Variants in CCNY observed in about 807,000 individuals in gnomAD.
CCNY encodes the protein cyclin-Y.
In CCNY, 19 loss-of-function variants were observed where a neutral mutation model predicts 42.8. That is an observed-to-expected ratio of 0.44 (90% CI 0.31 to 0.65). The LOEUF (loss-of-function observed/expected upper bound fraction) is 0.65. Ranked by LOEUF, CCNY falls within the 30% of genes least tolerant of loss-of-function variation. The pLI is 0.07. For synonymous variants in CCNY, 165 were observed against 162.7 expected (o/e 1.01, Z -0.11); for missense variants, 370 against 437.3 (o/e 0.85, Z 1.37).
In CCNY at chr10:35,258,986, T is replaced by G. The variant is rs988001907; in HGVS notation, c.-9+8360T>G. On this transcript the variant is annotated intron_variant, in intron 3 of 11. Transcript: ENST00000374706. ...CACTGCTGCCTGCCGTGGGGAAAGG[T>G]GGTGAGGAAAAGGGTAGCTGCTACC... 2.1e-5 allele frequency among the ~76,000 whole-genome samples: 3 copies of G among 145,552 alleles called. No homozygotes were observed. In the East Asian group the frequency reaches 6.0e-4, roughly 29 times the overall value.
chr10:35,383,103 C>A (rs183913309), intron 1 of CCNY, among the ~76,000 whole-genome samples: 10 of 152,278 alleles, frequency 6.6e-5, no homozygotes, highest in Non-Finnish European at 1.2e-4. Context: ...CTGCCTTTTT[C>A]TGTATCTGTG....
At chr10:35,326,911 A>C (rs1018807827) in intron 3 of CCNY, among the ~76,000 whole-genome samples, 1 of 151,880 alleles carries the variant, frequency 6.6e-6, no homozygotes, top group Non-Finnish European at 1.5e-5. Flanking sequence ...CAAACAAACA[A>C]ACACCATTGC....
At chr10:35,563,492 G>A (rs1269122891) in intron 8 of CCNY, among the ~76,000 whole-genome samples, 1 of 152,088 alleles carries the variant, frequency 6.6e-6, no homozygotes, top group African/African-American at 2.4e-5. Context: ...ACCAGACGGC[G>A]GTGTGTCCAT....
intron 3 of CCNY, among the ~76,000 whole-genome samples, chr10:35,326,157 T>G (rs912852424): frequency 2.1e-5 from 3 of 140,484 alleles, no homozygotes; most frequent in Non-Finnish European, 3.2e-5. Flanking sequence ...GAGTTTTTTG[T>G]TTTTTTTTTG....
At chr10:35,495,960 A>C (rs771278434) in intron 2 of CCNY, among the ~76,000 whole-genome samples, 3 of 152,192 alleles carry the variant, frequency 2.0e-5, no homozygotes, top group Non-Finnish European at 4.4e-5. Context: ...GGTCATCTCA[A>C]ATTTACTATA....
Position 35,361,882 on chromosome 10 carries a change from A to G in CCNY, c.154+24675A>G, listed in dbSNP as rs561238998. 6.8e-4 allele frequency among the ~76,000 whole-genome samples: 104 copies of G among 152,304 alleles called. 1 individual carries two copies. The highest frequency in any genetic ancestry group is 1.0e-3 in the Non-Finnish European group (68 of 68,014). On this transcript the variant is annotated intron_variant, in intron 1 of 9. Transcript: ENST00000374704. ...CCTTTTAAAAATGTTTGCCCCCTCAACACACACACTTCAGCACCCAAAATC... is the reference window on the plus strand; with the variant it reads ...CCTTTTAAAAATGTTTGCCCCCTCAGCACACACACTTCAGCACCCAAAATC...
chr10:35,541,870 GT>G (rs1841008514), intron 7 of CCNY, among the ~76,000 whole-genome samples: 1 of 150,888 alleles, frequency 6.6e-6, no homozygotes, highest in African/African-American at 2.4e-5. Flanking sequence ...GTTGTATCTA[GT>G]TGTCATTATC....
At chr10:35,345,824 T>G (rs1159703135) in intron 1 of CCNY, among the ~76,000 whole-genome samples, 1 of 152,210 alleles carries the variant, frequency 6.6e-6, no homozygotes, top group African/African-American at 2.4e-5. Flanking sequence ...CTGTAGAATT[T>G]GGAATAGAAA....
At chr10:35,288,069 C>T (rs1835374283) in intron 3 of CCNY, among the ~76,000 whole-genome samples, 2 of 152,290 alleles carry the variant, frequency 1.3e-5, no homozygotes, top group South Asian at 2.1e-4. Flanking sequence ...TCATTTACAT[C>T]CCACCAGTAA....
At chr10:35,259,495 GTTTTTTTTTTT>G (rs35988898) in intron 3 of CCNY, among the ~76,000 whole-genome samples, 1 of 65,144 alleles carries the variant, frequency 1.5e-5, no homozygotes, top group Non-Finnish European at 2.6e-5. Context: ...AGTCCTGGTT[GTTTTTTTTTTT>G]TTTTTTTTTT....
chr10:35,444,857 T>C (rs1190036513), intron 1 of CCNY, among the ~76,000 whole-genome samples: 1 of 152,188 alleles, frequency 6.6e-6, no homozygotes, highest in Non-Finnish European at 1.5e-5. Context: ...TGCTAGGATA[T>C]TGAATAGTCC....
intron 8 of CCNY, among the ~76,000 whole-genome samples, chr10:35,555,411 C>A (rs2135453737): frequency 6.6e-6 from 1 of 152,250 alleles, no homozygotes; most frequent in East Asian, 1.9e-4. Context: ...AGGTTGTATT[C>A]ATTGAAGGTT....
intron 7 of CCNY, among the ~76,000 whole-genome samples, chr10:35,543,853 T>C (rs982862871): frequency 6.6e-6 from 1 of 152,214 alleles, no homozygotes; most frequent in Non-Finnish European, 1.5e-5. Context: ...AACAGCGATA[T>C]TGATCATCCT....
At chr10:35,559,492 A>C (rs1468446750) in intron 8 of CCNY, among the ~76,000 whole-genome samples, 2 of 152,262 alleles carry the variant, frequency 1.3e-5, no homozygotes, top group Non-Finnish European at 1.5e-5. Flanking sequence ...CAAATCTTCT[A>C]ATCTCAGTCT....
At chr10:35,449,258 G>A (rs1213609777) in intron 1 of CCNY, among the ~76,000 whole-genome samples, 3 of 147,972 alleles carry the variant, frequency 2.0e-5, no homozygotes, top group African/African-American at 7.5e-5. Context: ...GTGTGAGAAG[G>A]AGCTGAGGAG....
chr10:35,500,012 T>C (rs1840079327), intron 2 of CCNY, among the ~76,000 whole-genome samples: 1 of 152,272 alleles, frequency 6.6e-6, no homozygotes, highest in Admixed American at 6.5e-5. Flanking sequence ...TGTTTTGCTA[T>C]GGTTTTCATG....
chr10:35,379,065 A>C (rs1234223004), intron 1 of CCNY, among the ~76,000 whole-genome samples: 1 of 152,212 alleles, frequency 6.6e-6, no homozygotes, highest in East Asian at 1.9e-4. Flanking sequence ...TTGCCACTGT[A>C]CAGAGGTGGG....
Position 35,543,492 on chromosome 10 carries a change from G to A in CCNY, c.580-9527G>A, listed in dbSNP as rs115969546. Reference sequence around the variant, plus strand: ...ATAGTGGAGCTCAGAAATTCCTGTCGCCTAGTGACGTCATAACATCCTAGC... The same window carrying A: ...ATAGTGGAGCTCAGAAATTCCTGTCACCTAGTGACGTCATAACATCCTAGC... On this transcript the variant is annotated intron_variant, in intron 7 of 9. Coordinates refer to ENST00000374704, the MANE Select transcript of CCNY (RefSeq NM_145012.6). 4.3e-3 allele frequency among the ~76,000 whole-genome samples: 649 copies of A among 152,234 alleles called. 7 individuals are homozygous for A. Among genetic ancestry groups the A allele is most frequent in the African/African-American group, 0.015 (618 of 41,544 alleles).
intron 1 of CCNY, among the ~76,000 whole-genome samples, chr10:35,430,336 C>CAAAAAAAAAAA (rs397954370): frequency 1.8e-5 from 1 of 55,578 alleles, no homozygotes; most frequent in African/African-American, 6.0e-5. Flanking sequence ...GACTCCGTCT[C>CAAAAAAAAAAA]AAAAAAAAAA....
Sources: gnomAD v4.1 joint callset for allele counts (sites outside exome capture counted in the v4.1 genomes callset) on GRCh38, gnomAD v4.1.1 for gene constraint, MANE v1.5 for transcripts, NCBI Gene and HGNC (gene_info 2026-07-23, HGNC 2026-07-21) for gene names.